The following CFAP299 variants were observed in gnomAD, a reference collection of about 807,000 sequenced individuals.
CFAP299 encodes the protein cilia- and flagella-associated protein 299.
Under a neutral mutation model 27.0 loss-of-function variants are expected in CFAP299, and 21 were observed. The observed-to-expected ratio is 0.78, with a 90% CI of 0.55 to 1.12. The LOEUF is 1.12. CFAP299 is among the 50% of genes most tolerant of loss of function. The pLI is 0.00. For missense variants in CFAP299, 310 were observed against 276.6 expected (o/e 1.12, Z -0.86); for synonymous variants, 104 against 98.1 (o/e 1.06, Z -0.36).
At chr4:80,829,862 A>G (rs188429128) in intron 3 of CFAP299, among the ~76,000 whole-genome samples, 31 of 152,242 alleles carry the variant, frequency 2.0e-4, no homozygotes, top group Admixed American at 2.0e-3. Context: ...CGCTTATATG[A>G]GGTAGCTTAA....
chr4:80,778,992 T>C lies in CFAP299; in HGVS notation c.334-91001T>C, dbSNP rs1726718565. On this transcript the variant is annotated intron_variant, in intron 3 of 5. Transcript: ENST00000358105. ...AACTATTGTAAAATAATAGCTAACA[T>C]GTATTTACTATTTATTATATACCCA... Among the ~76,000 whole-genome samples, 3 of 152,114 alleles carry C rather than the reference T, an allele frequency of 2.0e-5. No homozygotes were observed. In the South Asian group the frequency reaches 6.2e-4, roughly 31 times the overall value.
chr4:80,583,269 A>G (rs1163057702), intron 3 of CFAP299, 86 bp downstream of exon 3: 2 of 665,210 alleles, frequency 3.0e-6, no homozygotes, highest in Non-Finnish European at 4.8e-6. Flanking sequence ...TATCTTTCTT[A>G]AAGTAATTTA....
intron 2 of CFAP299, among the ~76,000 whole-genome samples, chr4:80,555,808 A>T (rs777556855): frequency 6.6e-6 from 1 of 151,882 alleles, no homozygotes; most frequent in Non-Finnish European, 1.5e-5. Flanking sequence ...GTAGTTTCTG[A>T]TGGTTATTTT....
chr4:80,541,905 G>A (rs1455961467), intron 2 of CFAP299, among the ~76,000 whole-genome samples: 7 of 151,812 alleles, frequency 4.6e-5, no homozygotes, highest in Admixed American at 2.0e-4. Flanking sequence ...AGCCGTTACC[G>A]TGCATGAACA....
intron 2 of CFAP299, among the ~76,000 whole-genome samples, chr4:80,416,954 T>C (rs1727044062): frequency 6.6e-6 from 1 of 152,116 alleles, no homozygotes; most frequent in Admixed American, 6.5e-5. Flanking sequence ...TGAAAGCAAG[T>C]TTATTAAGAA....
intron 3 of CFAP299, among the ~76,000 whole-genome samples, chr4:80,733,804 T>C (rs1039909774): frequency 2.8e-4 from 43 of 152,138 alleles, no homozygotes; most frequent in African/African-American, 9.7e-4. Flanking sequence ...ATCTTATTGT[T>C]TTTTATGACT....
At chr4:80,450,471 G>C (rs1728844442) in intron 2 of CFAP299, among the ~76,000 whole-genome samples, 1 of 151,990 alleles carries the variant, frequency 6.6e-6, no homozygotes, top group Non-Finnish European at 1.5e-5. Context: ...TTCCAAAGAA[G>C]CTCTAAATCA....
At chr4:80,481,080 C>T (rs565643649) in intron 2 of CFAP299, among the ~76,000 whole-genome samples, 1 of 151,906 alleles carries the variant, frequency 6.6e-6, no homozygotes, top group Admixed American at 6.6e-5. Flanking sequence ...CAAGCATAGT[C>T]GTAGACACTT....
chr4:80,753,443 A>G (rs2110072492), intron 3 of CFAP299, among the ~76,000 whole-genome samples: 1 of 152,144 alleles, frequency 6.6e-6, no homozygotes, highest in South Asian at 2.1e-4. Context: ...TGGCTTTAGT[A>G]GTTTGTATAT....
At chr4:80,602,095 A>G (rs1450667714) in intron 3 of CFAP299, among the ~76,000 whole-genome samples, 1 of 152,190 alleles carries the variant, frequency 6.6e-6, no homozygotes, top group African/African-American at 2.4e-5. Context: ...AGGATCAGGA[A>G]AAATTAACTA....
intron 2 of CFAP299, among the ~76,000 whole-genome samples, chr4:80,518,519 G>A (rs770694829): frequency 6.6e-6 from 1 of 152,192 alleles, no homozygotes; most frequent in East Asian, 1.9e-4. Context: ...ATACAGTAAA[G>A]GTGCTCAGAA....
At chr4:80,523,274 C>G (rs1278347044) in intron 2 of CFAP299, among the ~76,000 whole-genome samples, 3 of 151,966 alleles carry the variant, frequency 2.0e-5, no homozygotes, top group Non-Finnish European at 2.9e-5. Context: ...TCTTGGTTTC[C>G]CTTTTGGATT....
At chr4:80,689,258 A>T (rs1333054640) in intron 3 of CFAP299, among the ~76,000 whole-genome samples, 4 of 152,298 alleles carry the variant, frequency 2.6e-5, no homozygotes, top group Non-Finnish European at 2.9e-5. Flanking sequence ...ACCAACGTTG[A>T]AATGAAGGAA....
chr4:80,615,849 T>C (rs1045300440), intron 3 of CFAP299, among the ~76,000 whole-genome samples: 1 of 152,176 alleles, frequency 6.6e-6, no homozygotes, highest in African/African-American at 2.4e-5. Context: ...AACCACATTA[T>C]TGATTGTGGC....
rs111891379 is a variant in CFAP299, at chr4:80,364,657, A to G, written c.242+1773A>G. ...CAGGATGTGCAGGTTTGTTATAGGT[A>G]AACATGTGCCATGGTGGTTTGTTGC... On this transcript the variant is annotated intron_variant, in intron 2 of 5. Coordinates refer to ENST00000358105, the MANE Select transcript of CFAP299 (RefSeq NM_152770.3). 6.7e-3 allele frequency among the ~76,000 whole-genome samples: 1,014 copies of G among 152,298 alleles called. 8 individuals are homozygous for G. The highest frequency in any genetic ancestry group is 7.6e-3 in the Non-Finnish European group (519 of 68,028).
At chr4:80,584,460 A>G (rs1405545121) in intron 3 of CFAP299, among the ~76,000 whole-genome samples, 1 of 152,068 alleles carries the variant, frequency 6.6e-6, no homozygotes, top group East Asian at 1.9e-4. Flanking sequence ...GTTAAAAATT[A>G]GAGAGGTAAA....
rs573047105 is a variant in CFAP299 at position 80,755,945 on chromosome 4, A to T, written c.334-114048A>T. Among the ~76,000 whole-genome samples, 6 of 152,226 alleles carry T rather than the reference A, an allele frequency of 3.9e-5. No homozygotes were observed. The South Asian group carries it at 1.0e-3, about 26-fold the overall frequency. On this transcript the variant is annotated intron_variant, in intron 3 of 5. Coordinates refer to ENST00000358105, the MANE Select transcript of CFAP299 (RefSeq NM_152770.3). ...ATAATATGTGGACTTTGCTTTTTCC[A>T]TAGTCAAGAAAACATCAGTTACCCA... is the stretch of plus-strand genomic sequence containing the variant.
chr4:80,576,343 G>A (rs1735866228), intron 2 of CFAP299, among the ~76,000 whole-genome samples: 1 of 151,540 alleles, frequency 6.6e-6, no homozygotes, highest in Non-Finnish European at 1.5e-5. Context: ...AAAATGTCAT[G>A]TTTTCTGGGA....
chr4:80,892,409 G>A (rs1254721605), intron 4 of CFAP299, among the ~76,000 whole-genome samples: 3 of 152,136 alleles, frequency 2.0e-5, no homozygotes, highest in South Asian at 2.1e-4. Flanking sequence ...ACTACTATGA[G>A]AAAACATTGG....
Sources: allele counts gnomAD v4.1 joint callset (sites outside exome capture counted in the v4.1 genomes callset), GRCh38; gene constraint gnomAD v4.1.1; transcripts MANE v1.5; gene names NCBI Gene and HGNC (gene_info 2026-07-23, HGNC 2026-07-21).